The following MCU variants were observed in gnomAD, a reference collection of about 807,000 sequenced individuals.
MCU encodes mitochondrial calcium uniporter, also known as calcium uniporter protein, mitochondrial.
A neutral mutation model predicts 45.2 loss-of-function variants in MCU; 12 were observed. That is an observed-to-expected ratio of 0.27 (90% CI 0.17 to 0.43). The LOEUF (loss-of-function observed/expected upper bound fraction) is 0.43, where lower values mean the gene tolerates loss of function less well. Among genes scored for constraint, MCU ranks in the 20% least tolerant of loss-of-function variants. MCU has a pLI of 1.00. For synonymous variants in MCU, 160 were observed against 165.1 expected (o/e 0.97, Z 0.24); for missense variants, 324 against 436.7 (o/e 0.74, Z 2.30).
At chr10:72,872,580 T>C (rs1845560411) in intron 6 of MCU, among the ~76,000 whole-genome samples, 1 of 152,244 alleles carries the variant, frequency 6.6e-6, no homozygotes, top group Non-Finnish European at 1.5e-5. Context: ...TCCATTTTGC[T>C]GCAAAGGACA....
chr10:72,795,993 A>T (rs1213809089), intron 1 of MCU, among the ~76,000 whole-genome samples: 1 of 151,976 alleles, frequency 6.6e-6, no homozygotes, highest in African/African-American at 2.4e-5. Flanking sequence ...GCAAGACTCC[A>T]TCTCAATGAA....
At chr10:72,869,690 A>G (rs1415392822) in intron 5 of MCU, among the ~76,000 whole-genome samples, 2 of 152,250 alleles carry the variant, frequency 1.3e-5, no homozygotes. Context: ...TTTACATTGT[A>G]TTATAAGTAA....
At chr10:72,747,496 C>T (rs1843431352) in intron 1 of MCU, among the ~76,000 whole-genome samples, 1 of 152,058 alleles carries the variant, frequency 6.6e-6, no homozygotes, top group African/African-American at 2.4e-5. Flanking sequence ...GCCTGTTATG[C>T]CTGCTATTGG....
At chr10:72,865,593 T>C (rs947878547) in intron 4 of MCU, among the ~76,000 whole-genome samples, 9 of 152,114 alleles carry the variant, frequency 5.9e-5, no homozygotes, top group Admixed American at 5.9e-4. Flanking sequence ...CAGGCTGGAG[T>C]GCAGTGGTGT....
At chr10:72,716,225 A>G (rs1359833482) in intron 1 of MCU, among the ~76,000 whole-genome samples, 1 of 152,242 alleles carries the variant, frequency 6.6e-6, no homozygotes, top group East Asian at 1.9e-4. Flanking sequence ...TTTAAGAAAA[A>G]GTTTGCCAAC....
chr10:72,747,187 A>G (rs1472575450), intron 1 of MCU, among the ~76,000 whole-genome samples: 1 of 152,174 alleles, frequency 6.6e-6, no homozygotes, highest in Non-Finnish European at 1.5e-5. Context: ...TGGGTTTCCC[A>G]AGCTGGCATT....
chr10:72,870,548 C>G (rs1026918555), intron 5 of MCU, among the ~76,000 whole-genome samples: 1 of 152,164 alleles, frequency 6.6e-6, no homozygotes, highest in South Asian at 2.1e-4. Context: ...TCCCAAAGTG[C>G]TGGGATTACA....
At chr10:72,880,969 A>G (rs181228757) in intron 6 of MCU, among the ~76,000 whole-genome samples, 1 of 152,106 alleles carries the variant, frequency 6.6e-6, no homozygotes, top group Non-Finnish European at 1.5e-5. Context: ...AGCTAAAAAA[A>G]TTTTTTTAAA....
chr10:72,769,161 G>T (rs763503687), intron 1 of MCU, among the ~76,000 whole-genome samples: 1 of 152,016 alleles, frequency 6.6e-6, no homozygotes, highest in East Asian at 1.9e-4. Context: ...GTAGTTTTTG[G>T]TCCTGGAACT....
At chr10:72,846,597 A>G (rs1246944524) in intron 2 of MCU, among the ~76,000 whole-genome samples, 1 of 152,308 alleles carries the variant, frequency 6.6e-6, no homozygotes, top group East Asian at 1.9e-4. Context: ...TGATGCTGGC[A>G]TGTTGTTTTA....
chr10:72,693,098 G>A (rs1407299242), intron 1 of MCU: 3 of 1,534,482 alleles, frequency 2.0e-6, no homozygotes, highest in Non-Finnish European at 2.6e-6. Flanking sequence ...AGATTTGGTG[G>A]TTGTATTAAC....
chr10:72,703,757 A>G (rs1395916798), intron 1 of MCU, among the ~76,000 whole-genome samples: 2 of 152,060 alleles, frequency 1.3e-5, no homozygotes, highest in African/African-American at 2.4e-5. Context: ...TTAGCCTAGC[A>G]TGGTGGCATA....
chr10:72,732,813 A>G (rs894552762), intron 1 of MCU, among the ~76,000 whole-genome samples: 11 of 152,238 alleles, frequency 7.2e-5, no homozygotes, highest in African/African-American at 2.7e-4. Flanking sequence ...TCATGTAGCT[A>G]TGGTGTACCA....
intron 6 of MCU, among the ~76,000 whole-genome samples, chr10:72,879,892 A>T (rs577530190): frequency 2.0e-5 from 3 of 152,180 alleles, no homozygotes; most frequent in East Asian, 3.9e-4. Context: ...TTAAAAATAT[A>T]AAAAAATCAG....
chr10:72,884,347 G>C lies in MCU; in HGVS notation c.943G>C (p.Glu315Gln), dbSNP rs1436822006. 3 of 1,611,044 alleles carry C rather than the reference G, an allele frequency of 1.9e-6. No individual in the cohort carries two copies. The highest frequency in any genetic ancestry group is 1.3e-5 in the African/African-American group (1 of 74,956). Reference protein sequence around the residue: ...KGAKKSRFDLEKYNQLKDAIA... With the variant: ...KGAKKSRFDLQKYNQLKDAIA... Reference sequence around the variant, plus strand: ...AGCCAAAAAGTCACGTTTTGACCTAGAGAAATACAATCAACTCAAGGATGC... The same window carrying C: ...AGCCAAAAAGTCACGTTTTGACCTACAGAAATACAATCAACTCAAGGATGC... The change falls in exon 7 of 8, where the codon GAG becomes CAG. Residue 315 changes from glutamate (E) to glutamine (Q), a missense_variant. Around this residue, in one of 4 missense-constraint regions of MCU, gnomAD observed 76 missense variants for 99.4 expected, o/e 0.76. Coordinates refer to ENST00000373053, the MANE Select transcript of MCU (RefSeq NM_138357.3).
intron 2 of MCU, among the ~76,000 whole-genome samples, chr10:72,847,478 T>C (rs373154370): frequency 1.6e-3 from 242 of 152,252 alleles, no homozygotes; most frequent in African/African-American, 5.7e-3. Flanking sequence ...CAGAAATAGG[T>C]AGTTCCTCAA....
chr10:72,841,122 ACTGATAC>A (rs1845041438), intron 2 of MCU, among the ~76,000 whole-genome samples: 1 of 152,190 alleles, frequency 6.6e-6, no homozygotes, highest in South Asian at 2.1e-4. Context: ...GATGAAAATA[ACTGATAC>A]TGTTCAAAGC....
chr10:72,811,814 G>C (rs1371083344), intron 1 of MCU, among the ~76,000 whole-genome samples: 1 of 152,036 alleles, frequency 6.6e-6, no homozygotes, highest in Non-Finnish European at 1.5e-5. Flanking sequence ...AACATGTTTT[G>C]AAAAGAATTT....
At chr10:72,787,913 C>T (rs1186545285) in intron 1 of MCU, among the ~76,000 whole-genome samples, 1 of 152,046 alleles carries the variant, frequency 6.6e-6, no homozygotes, top group African/African-American at 2.4e-5. Flanking sequence ...GATGGGGTTT[C>T]ACCATGTTGG....
Sources: allele counts gnomAD v4.1 joint callset (sites outside exome capture counted in the v4.1 genomes callset), GRCh38; gene constraint gnomAD v4.1.1; regional missense constraint gnomAD v4.1.1; transcripts MANE v1.5; gene names NCBI Gene and HGNC (gene_info 2026-07-23, HGNC 2026-07-21).